CPLANE1: variants seen among roughly 807,000 people sequenced by gnomAD.
CPLANE1 encodes ciliogenesis and planar polarity effector 1.
In CPLANE1, 263 loss-of-function variants were observed where a neutral mutation model predicts 362.5. That is an observed-to-expected ratio of 0.73 (90% CI 0.66 to 0.80). The LOEUF is 0.80. Among genes scored for constraint, CPLANE1 ranks in the 30% least tolerant of loss-of-function variants. The probability of loss-of-function intolerance (pLI) is 0.00; values close to 1 mark genes in which losing one functional copy is unlikely to be tolerated. For missense variants in CPLANE1, 3,461 were observed against 3,793.4 expected, an observed-to-expected ratio of 0.91 and a Z score of 2.30; for synonymous variants, 1,212 against 1,302.6, an observed-to-expected ratio of 0.93 and a Z score of 1.50.
chr5:37,144,939 T>C (rs1378477860), intron 43 of CPLANE1, among the ~76,000 whole-genome samples: 1 of 151,976 alleles, frequency 6.6e-6, no homozygotes, highest in Non-Finnish European at 1.5e-5. Flanking sequence ...AACTAAGTGC[T>C]GACTTAAAAA....
intron 50 of CPLANE1, among the ~76,000 whole-genome samples, chr5:37,118,799 C>T (rs1320799544): frequency 1.3e-5 from 2 of 151,828 alleles, no homozygotes; most frequent in African/African-American, 2.4e-5. Context: ...CTGCAACCTC[C>T]GCCTCCTGGG....
At chr5:37,196,264 C>T (rs1787404753) in intron 20 of CPLANE1, among the ~76,000 whole-genome samples, 1 of 151,872 alleles carries the variant, frequency 6.6e-6, no homozygotes, top group Admixed American at 6.6e-5. Context: ...CTATTTTTCC[C>T]TGGCTTTCCT....
At chr5:37,192,853 CAA>C (rs1167999028) in intron 21 of CPLANE1, among the ~76,000 whole-genome samples, 35 of 74,822 alleles carry the variant, frequency 4.7e-4, no homozygotes, top group Admixed American at 1.3e-3. Flanking sequence ...TAGACTCCAT[CAA>C]AAAAAAAAAA....
intron 43 of CPLANE1, among the ~76,000 whole-genome samples, chr5:37,145,148 A>C (rs1448817285): frequency 6.6e-6 from 1 of 152,090 alleles, no homozygotes; most frequent in Non-Finnish European, 1.5e-5. Flanking sequence ...TACTAAAAAT[A>C]CAAAAAATTA....
At chr5:37,116,202 C>T (rs1760902220) in intron 50 of CPLANE1, among the ~76,000 whole-genome samples, 2 of 151,938 alleles carry the variant, frequency 1.3e-5, no homozygotes, top group East Asian at 2.0e-4. Flanking sequence ...ATGTCTCACA[C>T]TACCAGGCAC....
At chr5:37,239,600 A>G in intron 7 of CPLANE1, 113 bp downstream of exon 7, 1 of 672,216 alleles carries the variant, frequency 1.5e-6, no homozygotes, top group East Asian at 3.4e-5. Flanking sequence ...AAAAAAAAAA[A>G]CCAGAAAGAA....
intron 8 of CPLANE1, among the ~76,000 whole-genome samples, chr5:37,235,567 C>CTTTTTTTT (rs546612161): frequency 1.4e-4 from 13 of 93,364 alleles, no homozygotes; most frequent in East Asian, 3.2e-4. Flanking sequence ...TATCTAATTT[C>CTTTTTTTT]TTTTTTTTTT....
rs1197690838 is a variant in CPLANE1, at chr5:37,120,130, T to C, written c.9310+86A>G. On this transcript the variant is annotated intron_variant, in intron 50 of 52. Transcript: ENST00000651892. ...CAGAACTCCTTTTTACTAAGACTTATACCTTTTACTAATGAAAACACAACT... is the reference window on the plus strand; with the variant it reads ...CAGAACTCCTTTTTACTAAGACTTACACCTTTTACTAATGAAAACACAACT... 17 of 1,324,946 alleles carry C rather than the reference T, an allele frequency of 1.3e-5. No individual in the cohort carries two copies. The Admixed American group carries it at 1.9e-4, about 15-fold the overall frequency. The allele number at this position is 1,324,946 out of a possible 1,614,324, so 82.1% of individuals were successfully genotyped here.
chr5:37,149,791 G>A (rs76292614), intron 42 of CPLANE1, among the ~76,000 whole-genome samples: 15 of 151,994 alleles, frequency 9.9e-5, no homozygotes, highest in African/African-American at 1.9e-4. Context: ...ACTACTGTAC[G>A]TAAGGGCTTT....
At chr5:37,223,346 C>T (rs1283682445) in intron 14 of CPLANE1, among the ~76,000 whole-genome samples, 1 of 152,134 alleles carries the variant, frequency 6.6e-6, no homozygotes, top group African/African-American at 2.4e-5. Flanking sequence ...TTCTGTGCTC[C>T]CTAAACATCT....
At chr5:37,179,947 C>A in intron 28 of CPLANE1, 70 bp downstream of exon 28, 1 of 1,039,678 alleles carries the variant, frequency 9.6e-7, no homozygotes, top group Non-Finnish European at 1.4e-6. Context: ...AAATAAGTTA[C>A]CTCAGATAAT....
intron 14 of CPLANE1, among the ~76,000 whole-genome samples, chr5:37,223,332 G>C (rs935106677): frequency 2.6e-5 from 4 of 152,180 alleles, no homozygotes; most frequent in Non-Finnish European, 4.4e-5. Context: ...GTATTGAGGT[G>C]TTCTTCTGTG....
chr5:37,102,377 A>G (rs756399097), downstream of CPLANE1, among the ~76,000 whole-genome samples: 65 of 152,090 alleles, frequency 4.3e-4, no homozygotes, highest in Middle Eastern at 6.8e-3. Flanking sequence ...TAGTAGAGGC[A>G]GGATCTCACC....
At chr5:37,204,323 AG>A (rs1359817019) in intron 18 of CPLANE1, among the ~76,000 whole-genome samples, 1 of 152,372 alleles carries the variant, frequency 6.6e-6, no homozygotes, top group Non-Finnish European at 1.5e-5. Context: ...CAATAAAAAC[AG>A]AAGGGCCTCA....
intron 43 of CPLANE1, among the ~76,000 whole-genome samples, chr5:37,145,072 G>A: frequency 6.6e-6 from 1 of 152,162 alleles, no homozygotes; most frequent in East Asian, 1.9e-4. Context: ...TTGGAAGGCT[G>A]AGGCAGGCAG....
At chr5:37,120,994 A>G (rs145448562) in intron 49 of CPLANE1, among the ~76,000 whole-genome samples, 4 of 152,300 alleles carry the variant, frequency 2.6e-5, no homozygotes, top group Non-Finnish European at 5.9e-5. Context: ...CTGTACTCCA[A>G]TTCATGTTCA....
chr5:37,198,829 T>C lies in CPLANE1; in HGVS notation c.3545A>G (p.Asn1182Ser), dbSNP rs768254433. The part of the protein sequence containing the change: ...GDDLLLKAEK[N>S]NRQKVSGILQ... ...GATTCCAGATACCTTCTGGCGATTATTTTTTTCAGCTTTTAAAAGAAGATC... is the reference window on the plus strand; with the variant it reads ...GATTCCAGATACCTTCTGGCGATTACTTTTTTCAGCTTTTAAAAGAAGATC... The change falls in exon 20 of 53, where the codon AAT becomes AGT. Residue 1182 changes from asparagine (N) to serine (S), a missense_variant. Asn to Ser is a conservative substitution (Grantham distance 46). Around this residue, in one of 2 missense-constraint regions of CPLANE1, gnomAD observed 3,380 missense variants for 3,666.1 expected, o/e 0.92. Coordinates refer to ENST00000651892, the MANE Select transcript of CPLANE1 (RefSeq NM_001384732.1). The C allele has an allele frequency of 5.0e-6, 8 of 1,613,602 alleles. No individual in the cohort carries two copies. The highest frequency in any genetic ancestry group is 4.4e-5 in the South Asian group (4 of 91,070).
intron 15 of CPLANE1, among the ~76,000 whole-genome samples, chr5:37,216,715 C>G (rs1195760953): frequency 2.0e-5 from 3 of 152,176 alleles, no homozygotes; most frequent in Admixed American, 2.0e-4. Flanking sequence ...CTGGCATTCA[C>G]AAATTTGAAA....
intron 19 of CPLANE1, 25 bp from the exon 20 acceptor site, chr5:37,198,891 T>G: frequency 6.2e-7 from 1 of 1,607,838 alleles, no homozygotes. Context: ...ACAATCCATT[T>G]TAGTGGCTAG....
Sources: allele counts gnomAD v4.1 joint callset (sites outside exome capture counted in the v4.1 genomes callset), GRCh38; gene constraint gnomAD v4.1.1; regional missense constraint gnomAD v4.1.1; transcripts MANE v1.5; gene names NCBI Gene and HGNC (gene_info 2026-07-23, HGNC 2026-07-21).